NALF1: variants seen among roughly 807,000 people sequenced by gnomAD.
NALF1 encodes family with sequence similarity 155 member A.
NALF1 carries 3 observed loss-of-function variants against 48.4 expected under a neutral mutation model. The ratio of observed to expected loss-of-function variants is 0.06; its 90% confidence interval spans 0.03 to 0.16. NALF1 has a LOEUF of 0.16. Ranked by LOEUF, NALF1 falls within the 10% of genes least tolerant of loss-of-function variation. The pLI, the probability that NALF1 is intolerant of heterozygous loss-of-function variation, is 1.00. For missense variants in NALF1, 526 were observed against 571.5 expected (o/e 0.92, Z 0.81); for synonymous variants, 262 against 245.7 (o/e 1.07, Z -0.62).
Position 107,865,968 on chromosome 13 carries a change from T to C in NALF1, c.629A>G (p.Lys210Arg). ...AGGDGQEVRS[K>R]HPTPLWNLSD... is the part of the protein sequence containing the mutation. ...CAAGTTCCAGAGCGGAGTGGGATGC[T>C]TGCTCCTCACCTCCTGCCCGTCCCC... is the stretch of plus-strand genomic sequence containing the variant. Residue 210 changes from lysine to arginine, a missense_variant, in exon 1 of 3, where the codon AAG (lysine) becomes AGG (arginine). Physicochemically the swap from Lys to Arg is conservative, Grantham distance 26 (BLOSUM62 2). Coordinates refer to ENST00000375915, the MANE Select transcript of NALF1 (RefSeq NM_001080396.3). 1 of 1,613,222 alleles carries C rather than the reference T, an allele frequency of 6.2e-7. No individual in the cohort carries two copies. The highest frequency in any genetic ancestry group is 1.1e-5 in the South Asian group (1 of 91,064).
chr13:107,288,208 T>C (rs1039666932), intron 1 of NALF1, among the ~76,000 whole-genome samples: 21 of 149,306 alleles, frequency 1.4e-4, no homozygotes, highest in African/African-American at 4.6e-4. Context: ...GAAATATATA[T>C]GATCTGAAGA....
At chr13:107,727,456 T>C (rs1176131776) in intron 1 of NALF1, among the ~76,000 whole-genome samples, 2 of 152,090 alleles carry the variant, frequency 1.3e-5, no homozygotes, top group Non-Finnish European at 2.9e-5. Flanking sequence ...CTGCCTCACA[T>C]GACAACCCAT....
intron 1 of NALF1, among the ~76,000 whole-genome samples, chr13:107,217,895 A>G (rs1337936652): frequency 6.6e-6 from 1 of 151,944 alleles, no homozygotes; most frequent in East Asian, 1.9e-4. Flanking sequence ...AGAGCAATCT[A>G]TAGAAAATTA....
chr13:107,620,573 A>G (rs1258497581), intron 1 of NALF1, among the ~76,000 whole-genome samples: 2 of 152,216 alleles, frequency 1.3e-5, no homozygotes, highest in African/African-American at 2.4e-5. Flanking sequence ...CTGTTGCACC[A>G]AAATGACTTG....
intron 1 of NALF1, among the ~76,000 whole-genome samples, chr13:107,453,865 T>TTG (rs774651184): frequency 1.9e-4 from 29 of 152,330 alleles, no homozygotes; most frequent in Middle Eastern, 3.4e-3. Context: ...CTTGAATGCT[T>TTG]TGCTGCTTAG....
chr13:107,247,407 C>T (rs942925021), intron 1 of NALF1, among the ~76,000 whole-genome samples: 1 of 152,178 alleles, frequency 6.6e-6, no homozygotes, highest in Non-Finnish European at 1.5e-5. Flanking sequence ...TTTGATGATA[C>T]ACCCCAAAGG....
chr13:107,269,136 C>T (rs372122007), intron 1 of NALF1, among the ~76,000 whole-genome samples: 8 of 150,142 alleles, frequency 5.3e-5, no homozygotes, highest in South Asian at 2.1e-4. Context: ...CACTCCAGCC[C>T]GGGAGACACA....
chr13:107,356,068 C>A (rs1480199071), intron 1 of NALF1, among the ~76,000 whole-genome samples: 1 of 152,066 alleles, frequency 6.6e-6, no homozygotes, highest in Non-Finnish European at 1.5e-5. Context: ...TGAGTTGGGG[C>A]CCTGGGTACC....
At chr13:107,802,435 T>C (rs754481060) in intron 1 of NALF1, among the ~76,000 whole-genome samples, 1 of 152,210 alleles carries the variant, frequency 6.6e-6, no homozygotes, top group Non-Finnish European at 1.5e-5. Context: ...TCATATTATT[T>C]ATAAATTATG....
chr13:107,699,465 C>CAA, intron 1 of NALF1, among the ~76,000 whole-genome samples: 1 of 152,092 alleles, frequency 6.6e-6, no homozygotes, highest in Non-Finnish European at 1.5e-5. Flanking sequence ...CTAAAACAGG[C>CAA]CACTGAAAGG....
At chr13:107,343,910 A>G (rs1364153889) in intron 1 of NALF1, among the ~76,000 whole-genome samples, 3 of 152,078 alleles carry the variant, frequency 2.0e-5, no homozygotes, top group Non-Finnish European at 4.4e-5. Context: ...AAAATTAAAC[A>G]CAGAGTTTTT....
intron 1 of NALF1, among the ~76,000 whole-genome samples, chr13:107,428,188 C>T (rs1884312346): frequency 6.6e-6 from 1 of 152,112 alleles, no homozygotes; most frequent in Non-Finnish European, 1.5e-5. Context: ...TATTTCAAGC[C>T]TTTCATAACT....
chr13:107,677,578 T>C (rs1208888311), intron 1 of NALF1, among the ~76,000 whole-genome samples: 2 of 152,306 alleles, frequency 1.3e-5, no homozygotes, highest in African/African-American at 4.8e-5. Context: ...GAATAAAATA[T>C]GTCATGGTAA....
chr13:107,616,947 A>C (rs148409302), intron 1 of NALF1, among the ~76,000 whole-genome samples: 1 of 152,286 alleles, frequency 6.6e-6, no homozygotes, highest in East Asian at 1.9e-4. Flanking sequence ...TTATAGAGCA[A>C]ATTTTTCCAT....
chr13:107,215,774 T>A (rs1879860463), intron 1 of NALF1, among the ~76,000 whole-genome samples: 1 of 152,164 alleles, frequency 6.6e-6, no homozygotes, highest in South Asian at 2.1e-4. Context: ...CTCTCTTGGT[T>A]CTGGGCATTC....
At chr13:107,494,864 G>A (rs1419154648) in intron 1 of NALF1, among the ~76,000 whole-genome samples, 2 of 152,110 alleles carry the variant, frequency 1.3e-5, no homozygotes, top group Non-Finnish European at 2.9e-5. Flanking sequence ...AGAGAATACT[G>A]AACAATATAT....
chr13:107,746,775 C>T (rs967437899), intron 1 of NALF1, among the ~76,000 whole-genome samples: 1 of 152,050 alleles, frequency 6.6e-6, no homozygotes, highest in Non-Finnish European at 1.5e-5. Flanking sequence ...CTTTTCTGTT[C>T]CAAGATCATA....
At chr13:107,416,101 G>T (rs1295028502) in intron 1 of NALF1, among the ~76,000 whole-genome samples, 1 of 151,732 alleles carries the variant, frequency 6.6e-6, no homozygotes, top group African/African-American at 2.4e-5. Context: ...CCGCCTCCTG[G>T]GTTCACACCA....
chr13:107,535,544 G>C (rs532179622), intron 1 of NALF1, among the ~76,000 whole-genome samples: 1 of 152,006 alleles, frequency 6.6e-6, no homozygotes. Context: ...TCTTCAAGAA[G>C]AACTACAAAT....
Sources: allele counts gnomAD v4.1 joint callset (sites outside exome capture counted in the v4.1 genomes callset), GRCh38; gene constraint gnomAD v4.1.1; transcripts MANE v1.5; gene names NCBI Gene and HGNC (gene_info 2026-07-23, HGNC 2026-07-21).